CFAP299: variants seen among roughly 807,000 people sequenced by gnomAD.
CFAP299 encodes the protein cilia and flagella associated protein 299.
In CFAP299, 21 loss-of-function variants were observed where a neutral mutation model predicts 27.0. The observed-to-expected ratio is 0.78, with a 90% CI of 0.55 to 1.12. The LOEUF (loss-of-function observed/expected upper bound fraction) is 1.12, where lower values mean the gene tolerates loss of function less well. Among genes scored for constraint, CFAP299 ranks in the 50% most tolerant of loss-of-function variants. The pLI, the probability that CFAP299 is intolerant of heterozygous loss-of-function variation, is 0.00. For synonymous variants in CFAP299, 104 were observed against 98.1 expected (o/e 1.06, Z -0.36); for missense variants, 310 against 276.6 (o/e 1.12, Z -0.86).
intron 4 of CFAP299, chr4:80,870,599 A>G (rs1207758374): frequency 3.8e-5 from 37 of 986,050 alleles, no homozygotes; most frequent in Non-Finnish European, 4.3e-5. Context: ...CATTCTTTTT[A>G]CTACCAATGC....
chr4:80,502,143 A>G (rs2110152541), intron 2 of CFAP299, among the ~76,000 whole-genome samples: 1 of 152,194 alleles, frequency 6.6e-6, no homozygotes, highest in African/African-American at 2.4e-5. Context: ...ACCACTGTGG[A>G]TCAGAATCTA....
intron 3 of CFAP299, among the ~76,000 whole-genome samples, chr4:80,704,362 G>A (rs979063121): frequency 1.3e-5 from 2 of 151,556 alleles, no homozygotes; most frequent in African/African-American, 4.8e-5. Context: ...CAGGGTTGGA[G>A]GTGGTCACTT....
chr4:80,552,541 A>G (rs1019835948), intron 2 of CFAP299, among the ~76,000 whole-genome samples: 2 of 152,174 alleles, frequency 1.3e-5, no homozygotes, highest in African/African-American at 4.8e-5. Flanking sequence ...AATATATCTT[A>G]TAAGTTTTTG....
At chr4:80,519,406 C>T (rs749485053) in intron 2 of CFAP299, among the ~76,000 whole-genome samples, 3 of 152,038 alleles carry the variant, frequency 2.0e-5, no homozygotes, top group Non-Finnish European at 4.4e-5. Flanking sequence ...GGAGTTTCAC[C>T]ATGTTGTCCA....
chr4:80,770,736 T>C (rs944881787), intron 3 of CFAP299, among the ~76,000 whole-genome samples: 1 of 152,164 alleles, frequency 6.6e-6, no homozygotes, highest in East Asian at 1.9e-4. Context: ...ACTAAGGAAA[T>C]ATTTGTTCCC....
chr4:80,828,090 G>A (rs1277403608), intron 3 of CFAP299, among the ~76,000 whole-genome samples: 1 of 152,004 alleles, frequency 6.6e-6, no homozygotes, highest in East Asian at 1.9e-4. Context: ...TGGAGCGAAA[G>A]ACAGTATTGA....
chr4:80,456,306 C>T (rs1729152403), intron 2 of CFAP299, among the ~76,000 whole-genome samples: 1 of 151,996 alleles, frequency 6.6e-6, no homozygotes, highest in Non-Finnish European at 1.5e-5. Context: ...GGGCTTTGCT[C>T]AGAGGAGTGT....
At chr4:80,664,272 T>A (rs998621399) in intron 3 of CFAP299, among the ~76,000 whole-genome samples, 1 of 152,170 alleles carries the variant, frequency 6.6e-6, no homozygotes, top group Admixed American at 6.5e-5. Context: ...AGCACTATGC[T>A]GGGAGATCCA....
At chr4:80,659,406 A>G (rs1418542753) in intron 3 of CFAP299, among the ~76,000 whole-genome samples, 3 of 152,030 alleles carry the variant, frequency 2.0e-5, no homozygotes, top group African/African-American at 7.2e-5. Flanking sequence ...GCAGCAAAGG[A>G]TTAATCAATA....
intron 1 of CFAP299, among the ~76,000 whole-genome samples, chr4:80,350,178 A>T (rs1257057519): frequency 3.3e-5 from 5 of 152,160 alleles, no homozygotes; most frequent in African/African-American, 1.2e-4. Flanking sequence ...AAGGGAAGGA[A>T]GGAATAAAAT....
intron 4 of CFAP299, among the ~76,000 whole-genome samples, chr4:80,892,092 A>G (rs1002383725): frequency 2.6e-5 from 4 of 152,156 alleles, no homozygotes; most frequent in Admixed American, 6.6e-5. Flanking sequence ...AAATCACATT[A>G]TCTGACTTCA....
chr4:80,380,044 A>C (rs1380186883), intron 2 of CFAP299, among the ~76,000 whole-genome samples: 1 of 152,142 alleles, frequency 6.6e-6, no homozygotes, highest in Non-Finnish European at 1.5e-5. Flanking sequence ...TGTATCTTTT[A>C]AAATACTATC....
intron 3 of CFAP299, among the ~76,000 whole-genome samples, chr4:80,715,494 A>G (rs190008703): frequency 5.3e-5 from 8 of 152,142 alleles, no homozygotes; most frequent in Admixed American, 5.2e-4. Context: ...TGATGTGGTA[A>G]TAGCAAACCT....
chr4:80,940,361 G>T lies in CFAP299; in HGVS notation c.477-4449G>T, dbSNP rs1206498442. On this transcript the variant is annotated intron_variant, in intron 4 of 5. Transcript: ENST00000358105. ...CATTCCATAAGACTGGGGAAGCTAGGCCCTCACTCAGCTATCATTTTCCCC... is the reference window on the plus strand; with the variant it reads ...CATTCCATAAGACTGGGGAAGCTAGTCCCTCACTCAGCTATCATTTTCCCC... 2.0e-5 allele frequency among the ~76,000 whole-genome samples: 3 copies of T among 152,280 alleles called. No homozygotes were observed. In the East Asian group the frequency reaches 5.8e-4, roughly 29 times the overall value.
chr4:80,876,485 C>A (rs940527629), intron 4 of CFAP299, among the ~76,000 whole-genome samples: 1 of 152,112 alleles, frequency 6.6e-6, no homozygotes. Context: ...TGAGGCCTCC[C>A]CAGCCATGTG....
intron 5 of CFAP299, among the ~76,000 whole-genome samples, chr4:80,961,587 G>A (rs1415855641): frequency 6.6e-6 from 1 of 151,738 alleles, no homozygotes; most frequent in South Asian, 2.1e-4. Flanking sequence ...CCTCCAGAGA[G>A]AGGAAAATAT....
chr4:80,721,658 C>A (rs1722819260), intron 3 of CFAP299, among the ~76,000 whole-genome samples: 1 of 151,992 alleles, frequency 6.6e-6, no homozygotes, highest in Non-Finnish European at 1.5e-5. Context: ...TAACTCACAT[C>A]AATATCAAAT....
intron 3 of CFAP299, among the ~76,000 whole-genome samples, chr4:80,726,001 G>A (rs541533408): frequency 5.4e-4 from 83 of 152,308 alleles, no homozygotes; most frequent in African/African-American, 1.9e-3. Flanking sequence ...TTTCACCTCT[G>A]TAGAGGACAT....
intron 4 of CFAP299, among the ~76,000 whole-genome samples, chr4:80,924,232 G>T (rs1736187832): frequency 6.6e-6 from 1 of 151,932 alleles, no homozygotes; most frequent in Non-Finnish European, 1.5e-5. Context: ...TTTATCCAGA[G>T]AAGTCCCCTT....
Sources: gnomAD v4.1 joint callset for allele counts (sites outside exome capture counted in the v4.1 genomes callset) on GRCh38, gnomAD v4.1.1 for gene constraint, MANE v1.5 for transcripts, NCBI Gene and HGNC (gene_info 2026-07-23, HGNC 2026-07-21) for gene names.